The following TENM2 variants were observed in gnomAD, a reference collection of about 807,000 sequenced individuals.
TENM2 encodes teneurin transmembrane protein 2, also known as teneurin-2.
A neutral mutation model predicts 245.2 loss-of-function variants in TENM2; 52 were observed. That is an observed-to-expected ratio of 0.21 (90% CI 0.17 to 0.27). The LOEUF (loss-of-function observed/expected upper bound fraction) is 0.27. Among genes scored for constraint, TENM2 ranks in the 10% least tolerant of loss-of-function variants. The pLI is 1.00. For missense variants in TENM2, 3,046 were observed against 3,666.8 expected, an observed-to-expected ratio of 0.83 and a Z score of 4.37; for synonymous variants, 1,363 against 1,438.9, an observed-to-expected ratio of 0.95 and a Z score of 1.19.
intron 2 of TENM2, among the ~76,000 whole-genome samples, chr5:167,746,193 C>T (rs952602861): frequency 6.6e-6 from 1 of 152,140 alleles, no homozygotes; most frequent in Non-Finnish European, 1.5e-5. Flanking sequence ...CTATTACTCC[C>T]TAACAAAAAA....
chr5:167,547,755 A>G (rs947561552), intron 2 of TENM2, among the ~76,000 whole-genome samples: 1 of 152,188 alleles, frequency 6.6e-6, no homozygotes, highest in Non-Finnish European at 1.5e-5. Flanking sequence ...AAGATGTCAA[A>G]ATATGCAATG....
intron 2 of TENM2, among the ~76,000 whole-genome samples, chr5:167,534,226 G>T (rs930912660): frequency 1.3e-5 from 2 of 152,176 alleles, no homozygotes; most frequent in East Asian, 3.9e-4. Context: ...ACTCATAAGG[G>T]ACTGTGGGTA....
chr5:167,841,632 A>G (rs1769526757), intron 2 of TENM2, among the ~76,000 whole-genome samples: 1 of 152,192 alleles, frequency 6.6e-6, no homozygotes, highest in African/African-American at 2.4e-5. Flanking sequence ...TCTGTTACAT[A>G]ACCCAGTAAA....
chr5:167,037,527 C>T, the TENM2 span, among the ~76,000 whole-genome samples: 2 of 152,180 alleles, frequency 1.3e-5, no homozygotes, highest in Admixed American at 6.5e-5. Flanking sequence ...GCTATTTTCA[C>T]TTTGTTACTA....
At chr5:167,184,930 A>G in the TENM2 span, among the ~76,000 whole-genome samples, 1 of 152,292 alleles carries the variant, frequency 6.6e-6, no homozygotes, top group South Asian at 2.1e-4. Context: ...TAAGGAGCAC[A>G]CAACCTCGAT....
At chr5:168,209,909 G>A (rs35361028) in intron 19 of TENM2, among the ~76,000 whole-genome samples, 85 of 152,300 alleles carry the variant, frequency 5.6e-4, no homozygotes, top group Non-Finnish European at 1.1e-3. Context: ...TGGCAGCTCT[G>A]AGAGACGGGC....
intron 2 of TENM2, among the ~76,000 whole-genome samples, chr5:167,452,950 T>TATATATATATATATATATATTTTAA (rs1554157772): frequency 3.0e-5 from 3 of 99,628 alleles, no homozygotes; most frequent in African/African-American, 1.0e-4. Context: ...TATATATATA[T>TATATATATATATATATATATTTTAA]ATATATATAT....
At chr5:167,011,878 C>T in the TENM2 span, among the ~76,000 whole-genome samples, 1 of 152,176 alleles carries the variant, frequency 6.6e-6, no homozygotes, top group Non-Finnish European at 1.5e-5. Context: ...TTGTGGAGAT[C>T]AAGGTTATTG....
At chr5:167,338,191 T>C (rs1444683054) in intron 1 of TENM2, among the ~76,000 whole-genome samples, 1 of 152,226 alleles carries the variant, frequency 6.6e-6, no homozygotes, top group African/African-American at 2.4e-5. Flanking sequence ...AAGTTTCTTA[T>C]TATTGTTGTT....
the TENM2 span, among the ~76,000 whole-genome samples, chr5:167,086,224 A>G: frequency 6.6e-6 from 1 of 152,000 alleles, no homozygotes; most frequent in African/African-American, 2.4e-5. Context: ...AAACACCACA[A>G]TTTTTTGCTT....
intron 2 of TENM2, among the ~76,000 whole-genome samples, chr5:167,820,712 G>A (rs920767314): frequency 1.3e-5 from 2 of 152,204 alleles, no homozygotes; most frequent in Admixed American, 6.5e-5. Flanking sequence ...AGATATGACT[G>A]GCCCCTCAAA....
At chr5:167,138,791 T>G in the TENM2 span, among the ~76,000 whole-genome samples, 3 of 152,112 alleles carry the variant, frequency 2.0e-5, no homozygotes, top group African/African-American at 7.2e-5. Context: ...CCTGGCTAAT[T>G]TTTGTGTTTT....
chr5:167,449,727 G>T (rs1765463016), intron 2 of TENM2, among the ~76,000 whole-genome samples: 1 of 152,176 alleles, frequency 6.6e-6, no homozygotes, highest in Admixed American at 6.5e-5. Flanking sequence ...GGAGGCCAAG[G>T]TGGGTGGATC....
At chr5:167,138,638 T>C in the TENM2 span, among the ~76,000 whole-genome samples, 2 of 152,228 alleles carry the variant, frequency 1.3e-5, no homozygotes, top group Non-Finnish European at 2.9e-5. Context: ...GATTTATTTT[T>C]TGAGACGGAG....
chr5:167,490,882 A>C (rs539150238), intron 2 of TENM2, among the ~76,000 whole-genome samples: 1 of 152,322 alleles, frequency 6.6e-6, no homozygotes, highest in South Asian at 2.1e-4. Context: ...AAGGTAGTTA[A>C]GTTCAGGAAT....
intron 2 of TENM2, among the ~76,000 whole-genome samples, chr5:167,549,592 C>T (rs1237899758): frequency 6.6e-6 from 1 of 151,626 alleles, no homozygotes; most frequent in Admixed American, 6.6e-5. Flanking sequence ...CTAAAGTGTC[C>T]CTCTTCAGAT....
intron 2 of TENM2, among the ~76,000 whole-genome samples, chr5:167,389,202 CAT>C (rs1317314813): frequency 1.3e-5 from 2 of 150,262 alleles, no homozygotes; most frequent in African/African-American, 2.4e-5. Context: ...AACTATATAA[CAT>C]AGAATTATGC....
At chr5:167,328,204 G>GTTTTTT (rs70976412) in intron 1 of TENM2, among the ~76,000 whole-genome samples, 35 of 91,026 alleles carry the variant, frequency 3.8e-4, no homozygotes, top group African/African-American at 1.3e-3. Flanking sequence ...TTCTCATATC[G>GTTTTTT]TTTTTTTTTT....
At chr5:168,252,122 A>G (rs984982676) in intron 27 of TENM2, among the ~76,000 whole-genome samples, 8 of 152,224 alleles carry the variant, frequency 5.3e-5, no homozygotes, top group Non-Finnish European at 1.2e-4. Context: ...TTAGGCCTGT[A>G]ATACCAGCAC....
Sources: gnomAD v4.1 joint callset for allele counts (sites outside exome capture counted in the v4.1 genomes callset) on GRCh38, gnomAD v4.1.1 for gene constraint, MANE v1.5 for transcripts, NCBI Gene and HGNC (gene_info 2026-07-23, HGNC 2026-07-21) for gene names.